DAB1: variants seen among roughly 807,000 people sequenced by gnomAD.
The protein encoded by DAB1 is DAB adaptor protein 1.
DAB1 carries 15 observed loss-of-function variants against 64.6 expected under a neutral mutation model. The observed-to-expected ratio is 0.23, with a 90% confidence interval of 0.16 to 0.36. The LOEUF (loss-of-function observed/expected upper bound fraction) is 0.36, where lower values mean the gene tolerates loss of function less well. Among genes scored for constraint, DAB1 ranks in the 10% least tolerant of loss-of-function variants. The probability of loss-of-function intolerance (pLI) is 1.00; values close to 1 mark genes in which losing one functional copy is unlikely to be tolerated. For missense variants in DAB1, 596 were observed against 706.7 expected, an observed-to-expected ratio of 0.84 and a Z score of 1.78; for synonymous variants, 235 against 251.9, an observed-to-expected ratio of 0.93 and a Z score of 0.64.
At chr1:57,435,080 G>A (rs1311476184) in intron 7 of DAB1, among the ~76,000 whole-genome samples, 6 of 122,008 alleles carry the variant, frequency 4.9e-5, no homozygotes, top group African/African-American at 9.8e-5. Flanking sequence ...AGAGAGTCTC[G>A]CTCTGTCACC....
intron 6 of DAB1, among the ~76,000 whole-genome samples, chr1:57,716,312 G>A (rs1203399225): frequency 6.6e-6 from 1 of 152,100 alleles, no homozygotes; most frequent in African/African-American, 2.4e-5. Context: ...AATAAAGCTG[G>A]GGCATCATAT....
At chr1:57,139,291 G>GT (rs1167546233) in intron 3 of DAB1, among the ~76,000 whole-genome samples, 1 of 152,066 alleles carries the variant, frequency 6.6e-6, no homozygotes, top group Non-Finnish European at 1.5e-5. Flanking sequence ...CTGCCCTTCT[G>GT]TTTTGAGGAT....
chr1:58,321,717 C>A (rs1387618619), intron 4 of DAB1, among the ~76,000 whole-genome samples: 1 of 152,264 alleles, frequency 6.6e-6, no homozygotes, highest in African/African-American at 2.4e-5. Context: ...GGAGGGGCAT[C>A]CACCATTGCT....
intron 3 of DAB1, among the ~76,000 whole-genome samples, chr1:58,423,210 A>G (rs1348465567): frequency 1.3e-5 from 2 of 152,226 alleles, no homozygotes; most frequent in Admixed American, 1.3e-4. Context: ...AAAGCCAGAC[A>G]GGAATTTGAG....
chr1:57,261,857 G>A (rs150765534), intron 2 of DAB1, among the ~76,000 whole-genome samples: 540 of 152,338 alleles, frequency 3.5e-3, no homozygotes, highest in Non-Finnish European at 5.8e-3. Context: ...CCAAGATGAA[G>A]TGCGGTAAAA....
chr1:58,218,208 G>T (rs756731148), intron 4 of DAB1, among the ~76,000 whole-genome samples: 1 of 152,054 alleles, frequency 6.6e-6, no homozygotes, highest in Non-Finnish European at 1.5e-5. Flanking sequence ...CTATGAAGAG[G>T]ATATTCATGC....
intron 1 of DAB1, among the ~76,000 whole-genome samples, chr1:57,301,641 C>T (rs542709449): frequency 3.3e-5 from 5 of 152,218 alleles, no homozygotes; most frequent in South Asian, 2.1e-4. Flanking sequence ...AAATATATAC[C>T]GCCATTATTT....
chr1:57,123,174 G>A (rs1656819463), intron 4 of DAB1, among the ~76,000 whole-genome samples: 1 of 152,042 alleles, frequency 6.6e-6, no homozygotes, highest in Non-Finnish European at 1.5e-5. Context: ...CCTGAACATA[G>A]GCCAGTGAAA....
At chr1:58,136,548 G>T (rs114180647) in intron 5 of DAB1, among the ~76,000 whole-genome samples, 4 of 152,302 alleles carry the variant, frequency 2.6e-5, no homozygotes, top group Admixed American at 2.6e-4. Context: ...TGCAAAAGCC[G>T]TTTCCAAAGC....
chr1:58,011,504 T>C (rs2100429954), intron 5 of DAB1, among the ~76,000 whole-genome samples: 1 of 152,336 alleles, frequency 6.6e-6, no homozygotes, highest in East Asian at 1.9e-4. Flanking sequence ...AAAACTAGTT[T>C]AGTGGCACAG....
intron 1 of DAB1, among the ~76,000 whole-genome samples, chr1:57,411,659 C>A (rs570863801): frequency 1.3e-5 from 2 of 152,218 alleles, no homozygotes; most frequent in African/African-American, 4.8e-5. Context: ...AAGTGACTAG[C>A]GGCTACCCTG....
At chr1:58,473,830 C>A (rs12118488) in intron 3 of DAB1, 100,457 of 587,158 alleles carry the variant, frequency 0.17, 9,181 homozygotes, top group African/African-American at 0.24. Context: ...AAGCACACTT[C>A]CCAAGACTGG....
At chr1:58,398,875 A>T (rs1251815510) in intron 3 of DAB1, among the ~76,000 whole-genome samples, 1 of 152,182 alleles carries the variant, frequency 6.6e-6, no homozygotes, top group Non-Finnish European at 1.5e-5. Flanking sequence ...TGAGTTACTT[A>T]ATGTCTCAGA....
intron 7 of DAB1, among the ~76,000 whole-genome samples, chr1:57,581,829 T>G (rs1441959200): frequency 1.3e-5 from 2 of 152,112 alleles, no homozygotes; most frequent in Non-Finnish European, 2.9e-5. Flanking sequence ...AAATATCTTC[T>G]GCTGCTTTTG....
At position 57,606,008 on chromosome 1, in the gene DAB1, T is replaced by G. The variant is rs191473187; in HGVS notation, n.625+43584A>C. ...TTAGAACCTTCACCACAAGGAGTTT[T>G]TCTTGTAGTGATTCTCAGAATCTTG... is the stretch of plus-strand genomic sequence containing the variant. On this transcript the variant is annotated intron_variant and non_coding_transcript_variant, in intron 7 of 20. Transcript: ENST00000485760. The G allele has an allele frequency of 3.9e-5, 26 of 660,758 alleles. No individual in the cohort carries two copies. In the African/African-American group the frequency reaches 4.1e-4, roughly 10 times the overall value. 40.9% of individuals were successfully genotyped at this position (660,758 alleles called of 1,614,324 possible).
rs958497567 is a variant in DAB1, at chr1:57,899,195, T to C, written n.388-15033A>G. The stretch of plus-strand genomic sequence containing the variant: ...TGCAAACGTGTGAGTTTTCTTTCTT[T>C]TTTTCTTTTGTGAAGTTTGAATAGA... On this transcript the variant is annotated intron_variant and non_coding_transcript_variant, in intron 5 of 20. Coordinates refer to the DAB1 transcript ENST00000485760. 2.0e-5 allele frequency among the ~76,000 whole-genome samples: 3 copies of C among 152,156 alleles called. No homozygotes were observed. In the East Asian group the frequency reaches 5.8e-4, roughly 29 times the overall value.
intron 6 of DAB1, among the ~76,000 whole-genome samples, chr1:57,767,978 AC>A (rs1649390758): frequency 6.6e-6 from 1 of 151,738 alleles, no homozygotes; most frequent in Non-Finnish European, 1.5e-5. Flanking sequence ...GGAGTTTGAG[AC>A]CAGCCTGGCC....
intron 4 of DAB1, among the ~76,000 whole-genome samples, chr1:57,116,723 G>GA (rs1162088870): frequency 2.0e-5 from 3 of 152,110 alleles, no homozygotes; most frequent in Non-Finnish European, 1.5e-5. Flanking sequence ...TGGAAAAAAA[G>GA]AAGATTATAG....
At chr1:57,288,985 G>A (rs765558789) in intron 2 of DAB1, among the ~76,000 whole-genome samples, 2 of 152,154 alleles carry the variant, frequency 1.3e-5, no homozygotes, top group African/African-American at 4.8e-5. Flanking sequence ...TACTTTCAAA[G>A]GTCACATTGT....
Sources: gnomAD v4.1 joint callset for allele counts (sites outside exome capture counted in the v4.1 genomes callset) on GRCh38, gnomAD v4.1.1 for gene constraint, MANE v1.5 for transcripts, NCBI Gene and HGNC (gene_info 2026-07-23, HGNC 2026-07-21) for gene names.